LAMA2: variants seen among roughly 807,000 people sequenced by gnomAD.
LAMA2 encodes laminin subunit alpha 2.
LAMA2 carries 269 observed loss-of-function variants against 364.8 expected under a neutral mutation model. That is an observed-to-expected ratio of 0.74 (90% CI 0.67 to 0.82). The LOEUF (loss-of-function observed/expected upper bound fraction) is 0.82. LAMA2 is among the 40% of genes least tolerant of loss of function. LAMA2 has a pLI of 0.00. For missense variants in LAMA2, 3,807 were observed against 3,873.2 expected (o/e 0.98, Z 0.45); for synonymous variants, 1,379 against 1,370.6 (o/e 1.01, Z -0.14).
intron 49 of LAMA2, 73 bp from the exon 50 acceptor site, chr6:129,464,217 A>C: frequency 2.3e-6 from 3 of 1,286,736 alleles, no homozygotes; most frequent in Non-Finnish European, 3.4e-6. Context: ...TCTCATTGCT[A>C]TTCAGTGATG....
chr6:129,273,499 T>G (rs265396), intron 17 of LAMA2, among the ~76,000 whole-genome samples: 119,609 of 152,100 alleles, frequency 0.79, 47,897 homozygotes, highest in East Asian at 0.91. Context: ...ATGCAAACCC[T>G]ATGGATTTAC....
At position 129,455,307 on chromosome 6, in the gene LAMA2, T is replaced by C. The variant is rs577907865; in HGVS notation, c.6707+1019T>C. Among the ~76,000 whole-genome samples, 9 of 152,198 alleles carry C rather than the reference T, an allele frequency of 5.9e-5. No individual in the cohort carries two copies. The East Asian group carries it at 1.2e-3, about 20-fold the overall frequency. On this transcript the variant is annotated intron_variant, in intron 47 of 64. Transcript: ENST00000421865. The stretch of plus-strand genomic sequence containing the variant: ...TTTTAGTTCTTTTTAAGGAAGTTTT[T>C]CAGCAAAAGTGTGTGTGCATGTGTG...
At chr6:129,107,840 G>C (rs1321584153) in intron 4 of LAMA2, among the ~76,000 whole-genome samples, 2 of 152,122 alleles carry the variant, frequency 1.3e-5, no homozygotes, top group Non-Finnish European at 2.9e-5. Flanking sequence ...GCACCAGAAA[G>C]GTACAAAGCT....
chr6:129,331,294 C>A (rs1323691032), intron 29 of LAMA2, among the ~76,000 whole-genome samples: 1 of 152,092 alleles, frequency 6.6e-6, no homozygotes, highest in East Asian at 1.9e-4. Flanking sequence ...GCAATCATGC[C>A]ACTTTTCTCT....
intron 28 of LAMA2, among the ~76,000 whole-genome samples, chr6:129,324,564 G>A (rs1227093625): frequency 1.3e-5 from 2 of 152,134 alleles, no homozygotes; most frequent in Non-Finnish European, 1.5e-5. Flanking sequence ...GAAATGTGTC[G>A]TTAGGTGATC....
At chr6:129,126,175 G>A (rs553331400) in intron 4 of LAMA2, among the ~76,000 whole-genome samples, 8 of 152,010 alleles carry the variant, frequency 5.3e-5, no homozygotes, top group Admixed American at 1.3e-4. Context: ...AATGAACTAC[G>A]CTGACAAATT....
chr6:129,100,316 A>G (rs2114877786), intron 4 of LAMA2, among the ~76,000 whole-genome samples: 1 of 152,330 alleles, frequency 6.6e-6, no homozygotes, highest in South Asian at 2.1e-4. Context: ...ATTAGGAGCA[A>G]CTGACTGAAC....
intron 14 of LAMA2, among the ~76,000 whole-genome samples, chr6:129,259,724 T>C (rs1218442766): frequency 6.6e-6 from 1 of 152,084 alleles, no homozygotes; most frequent in Non-Finnish European, 1.5e-5. Flanking sequence ...TCATTTCCTT[T>C]TAAATCAAGC....
intron 51 of LAMA2, among the ~76,000 whole-genome samples, chr6:129,468,786 T>C (rs187623122): frequency 2.4e-4 from 36 of 152,050 alleles, no homozygotes; most frequent in African/African-American, 8.7e-4. Flanking sequence ...ATGCATCAGA[T>C]GCTGTGCTGC....
chr6:129,312,885 T>C lies in LAMA2; in HGVS notation c.3199T>C (p.Ser1067Pro). 1 of 1,614,058 alleles carries C rather than the reference T, an allele frequency of 6.2e-7. No homozygotes were observed. The highest frequency in any genetic ancestry group is 1.1e-5 in the South Asian group (1 of 91,068). The change falls in exon 23 of 65, where the codon TCC becomes CCC. Residue 1067 changes from serine to proline, a missense_variant. By Grantham distance (74) the Ser-to-Pro change is moderately conservative. This residue lies in a region of LAMA2 where 3,333 missense variants were observed against 3,345.7 expected (regional missense o/e 1.00). Coordinates refer to ENST00000421865, the MANE Select transcript of LAMA2 (RefSeq NM_000426.4). ...CKACNCSTVG[S>P]LDFQCNVNTG... ...GGCTTGTAACTGCAGCACAGTGGGATCCTTGGATTTCCAATGCAATGTAAA... is the reference window on the plus strand; with the variant it reads ...GGCTTGTAACTGCAGCACAGTGGGACCCTTGGATTTCCAATGCAATGTAAA...
intron 1 of LAMA2, among the ~76,000 whole-genome samples, chr6:128,902,452 T>C (rs914738085): frequency 6.6e-6 from 1 of 152,102 alleles, no homozygotes; most frequent in East Asian, 1.9e-4. Flanking sequence ...TCTCAGCATA[T>C]AAACACATAA....
At chr6:129,130,292 A>G (rs1777389860) in intron 4 of LAMA2, among the ~76,000 whole-genome samples, 3 of 152,218 alleles carry the variant, frequency 2.0e-5, no homozygotes, top group African/African-American at 7.2e-5. Context: ...TGGGCCATAG[A>G]GTGTGACCAT....
chr6:129,091,027 A>G (rs1468305437), intron 3 of LAMA2, among the ~76,000 whole-genome samples: 3 of 152,112 alleles, frequency 2.0e-5, no homozygotes, highest in Admixed American at 6.5e-5. Flanking sequence ...CTTGCTTATT[A>G]TTGCTTGTTA....
In LAMA2 at chr6:129,478,710, A is replaced by C. The variant is rs774596682; in HGVS notation, c.7469A>C (p.Lys2490Thr). 3 of 1,613,576 alleles carry C rather than the reference A, an allele frequency of 1.9e-6. No individual in the cohort carries two copies. In the South Asian group the frequency reaches 3.3e-5, roughly 18 times the overall value. The change falls in exon 54 of 65, where the codon AAG becomes ACG. Residue 2490 changes from lysine to threonine, a missense_variant. Lys to Thr is a moderately conservative substitution (Grantham distance 78). Coordinates refer to ENST00000421865, the MANE Select transcript of LAMA2 (RefSeq NM_000426.4). ...SMKARPEVNLKKYSGCLKDIE... is the reference protein window; with the variant it reads ...SMKARPEVNLTKYSGCLKDIE... ...TTCAATAGGCCAGAAGTAAATCTGAAGAAATATTCCGGCTGCCTCAAAGAT... is the reference window on the plus strand; with the variant it reads ...TTCAATAGGCCAGAAGTAAATCTGACGAAATATTCCGGCTGCCTCAAAGAT...
At chr6:129,486,054 CAAAT>C (rs1174030202) in intron 55 of LAMA2, among the ~76,000 whole-genome samples, 1 of 152,214 alleles carries the variant, frequency 6.6e-6, no homozygotes, top group African/African-American at 2.4e-5. Flanking sequence ...GCTCAGAGAA[CAAAT>C]TGAAGTCTAA....
chr6:128,887,357 G>T (rs1252640455), intron 1 of LAMA2, among the ~76,000 whole-genome samples: 1 of 151,852 alleles, frequency 6.6e-6, no homozygotes, highest in East Asian at 1.9e-4. Flanking sequence ...TAGTAAAAAT[G>T]ATTCATAACA....
intron 56 of LAMA2, among the ~76,000 whole-genome samples, chr6:129,487,483 CAT>C (rs1784650413): frequency 6.6e-6 from 1 of 152,200 alleles, no homozygotes; most frequent in African/African-American, 2.4e-5. Context: ...AGACTGAAGA[CAT>C]AGAAAAGAAC....
At chr6:129,205,493 T>TACACACAC (rs767013359) in intron 12 of LAMA2, among the ~76,000 whole-genome samples, 6 of 104,268 alleles carry the variant, frequency 5.8e-5, no homozygotes, top group South Asian at 3.1e-4. Context: ...TATATATATA[T>TACACACAC]ACACACACAC....
chr6:129,107,427 C>G (rs1775894639), intron 4 of LAMA2, among the ~76,000 whole-genome samples: 1 of 152,048 alleles, frequency 6.6e-6, no homozygotes, highest in African/African-American at 2.4e-5. Context: ...GAGAGGGACA[C>G]AGCCATACCA....
Sources: gnomAD v4.1 joint callset for allele counts (sites outside exome capture counted in the v4.1 genomes callset) on GRCh38, gnomAD v4.1.1 for gene constraint, gnomAD v4.1.1 regional missense constraint, MANE v1.5 for transcripts, NCBI Gene and HGNC (gene_info 2026-07-23, HGNC 2026-07-21) for gene names.